The following PDGFD variants were observed in gnomAD, a reference collection of about 807,000 sequenced individuals.
The protein encoded by PDGFD is platelet derived growth factor D.
A neutral mutation model predicts 44.7 loss-of-function variants in PDGFD; 30 were observed. The observed-to-expected ratio is 0.67, with a 90% confidence interval of 0.50 to 0.91. The LOEUF (loss-of-function observed/expected upper bound fraction) is 0.91. PDGFD is among the 40% of genes least tolerant of loss of function. PDGFD has a pLI of 0.00. For missense variants in PDGFD, 445 were observed against 457.8 expected (o/e 0.97, Z 0.25); for synonymous variants, 173 against 168.4 (o/e 1.03, Z -0.21).
intron 5 of PDGFD, among the ~76,000 whole-genome samples, chr11:103,939,387 A>G (rs1453525333): frequency 6.6e-6 from 1 of 152,010 alleles, no homozygotes; most frequent in Non-Finnish European, 1.5e-5. Context: ...AATGCTTGTG[A>G]TTTTTGTACA....
At chr11:104,138,738 C>T (rs1565346151) in intron 1 of PDGFD, among the ~76,000 whole-genome samples, 1 of 152,268 alleles carries the variant, frequency 6.6e-6, no homozygotes, top group South Asian at 2.1e-4. Flanking sequence ...TTTATACTTA[C>T]AGTATTAAAC....
intron 1 of PDGFD, among the ~76,000 whole-genome samples, chr11:104,042,063 C>G (rs1054680460): frequency 6.6e-6 from 1 of 152,048 alleles, no homozygotes; most frequent in Non-Finnish European, 1.5e-5. Flanking sequence ...TTTGAACTTG[C>G]AAAAGCCTGG....
intron 6 of PDGFD, among the ~76,000 whole-genome samples, 157 bp from the exon 7 acceptor site, chr11:103,909,976 A>C (rs1332740355): frequency 6.6e-6 from 1 of 152,220 alleles, no homozygotes; most frequent in Non-Finnish European, 1.5e-5. Context: ...TGCTATTAGA[A>C]TGTACACATT....
chr11:103,928,413 A>T (rs949013563), intron 5 of PDGFD, among the ~76,000 whole-genome samples: 1 of 152,196 alleles, frequency 6.6e-6, no homozygotes, highest in African/African-American at 2.4e-5. Context: ...GCCCTGGTAA[A>T]TGTCTTAGGC....
intron 1 of PDGFD, among the ~76,000 whole-genome samples, chr11:104,061,527 C>T (rs1176461585): frequency 6.6e-6 from 1 of 152,142 alleles, no homozygotes; most frequent in Admixed American, 6.5e-5. Flanking sequence ...AATGGATAAA[C>T]AAAATGTGAT....
At chr11:104,096,550 T>C (rs189011008) in intron 1 of PDGFD, among the ~76,000 whole-genome samples, 1 of 152,186 alleles carries the variant, frequency 6.6e-6, no homozygotes, top group Non-Finnish European at 1.5e-5. Context: ...CACAAGGCAC[T>C]CAGAGTGACA....
intron 1 of PDGFD, among the ~76,000 whole-genome samples, chr11:104,140,923 T>G (rs964465205): frequency 1.3e-5 from 2 of 152,254 alleles, no homozygotes; most frequent in East Asian, 3.8e-4. Context: ...TTGTGAGGTC[T>G]TACCTTGGCT....
chr11:103,910,280 A>G (rs1858007373), intron 6 of PDGFD, among the ~76,000 whole-genome samples: 1 of 152,240 alleles, frequency 6.6e-6, no homozygotes, highest in African/African-American at 2.4e-5. Flanking sequence ...TGGTTGAAGT[A>G]AAACATGTTG....
At chr11:104,024,002 G>C (rs534673940) in intron 1 of PDGFD, among the ~76,000 whole-genome samples, 1 of 152,244 alleles carries the variant, frequency 6.6e-6, no homozygotes, top group South Asian at 2.1e-4. Flanking sequence ...TTCCCCAACA[G>C]CTTTTCTTTA....
intron 3 of PDGFD, among the ~76,000 whole-genome samples, chr11:103,956,966 T>C (rs1858860675): frequency 1.3e-5 from 2 of 152,238 alleles, no homozygotes; most frequent in African/African-American, 4.8e-5. Context: ...TATCCCTTTG[T>C]CAGATGAGTA....
At chr11:104,025,217 G>C (rs910552882) in intron 1 of PDGFD, among the ~76,000 whole-genome samples, 5 of 152,180 alleles carry the variant, frequency 3.3e-5, no homozygotes, top group African/African-American at 1.2e-4. Flanking sequence ...ATCTGAATCA[G>C]CCAATTTAGA....
At chr11:103,932,607 G>A (rs1359245474) in intron 5 of PDGFD, among the ~76,000 whole-genome samples, 2 of 152,182 alleles carry the variant, frequency 1.3e-5, no homozygotes, top group Non-Finnish European at 2.9e-5. Flanking sequence ...TGTCCCTAAT[G>A]TAAGGACCAA....
At chr11:104,132,671 A>C (rs976016952) in intron 1 of PDGFD, among the ~76,000 whole-genome samples, 3 of 152,110 alleles carry the variant, frequency 2.0e-5, no homozygotes, top group Non-Finnish European at 4.4e-5. Context: ...ATTATTTCAC[A>C]TAATTATTTA....
intron 3 of PDGFD, among the ~76,000 whole-genome samples, chr11:103,948,378 T>C (rs1475817657): frequency 6.6e-6 from 1 of 152,182 alleles, no homozygotes; most frequent in African/African-American, 2.4e-5. Flanking sequence ...CTTGAAAACA[T>C]TAGTTATCTC....
intron 3 of PDGFD, among the ~76,000 whole-genome samples, chr11:103,970,228 CTAAA>C (rs1340109839): frequency 6.6e-6 from 1 of 152,016 alleles, no homozygotes; most frequent in Non-Finnish European, 1.5e-5. Context: ...AAAAAATTCT[CTAAA>C]TATCAATAAT....
chr11:104,137,029 G>T (rs1862016264), intron 1 of PDGFD, among the ~76,000 whole-genome samples: 1 of 150,020 alleles, frequency 6.7e-6, no homozygotes, highest in African/African-American at 2.5e-5. Context: ...ACTGTGCTCA[G>T]GAAACAATCC....
chr11:104,101,276 GC>G (rs1861375040), intron 1 of PDGFD, among the ~76,000 whole-genome samples: 1 of 152,030 alleles, frequency 6.6e-6, no homozygotes, highest in Non-Finnish European at 1.5e-5. Flanking sequence ...AAATCAATGT[GC>G]AAAAATCACA....
intron 1 of PDGFD, among the ~76,000 whole-genome samples, chr11:104,084,686 T>C (rs1861095722): frequency 7.1e-6 from 1 of 141,168 alleles, no homozygotes; most frequent in African/African-American, 2.7e-5. Context: ...AAAATAATTA[T>C]ATAGTGTATA....
intron 1 of PDGFD, among the ~76,000 whole-genome samples, chr11:104,094,199 G>A (rs972397836): frequency 3.3e-5 from 5 of 151,974 alleles, no homozygotes; most frequent in South Asian, 2.1e-4. Flanking sequence ...CGTGGCCATC[G>A]TATCAGCACA....
Sources: allele counts gnomAD v4.1 joint callset (sites outside exome capture counted in the v4.1 genomes callset), GRCh38; gene constraint gnomAD v4.1.1; transcripts MANE v1.5; gene names NCBI Gene and HGNC (gene_info 2026-07-23, HGNC 2026-07-21).